The following CDH8 variants were observed in gnomAD, a reference collection of about 807,000 sequenced individuals.
CDH8 encodes cadherin-8.
CDH8 carries 17 observed loss-of-function variants against 68.1 expected under a neutral mutation model. The observed-to-expected ratio is 0.25, with a 90% CI of 0.17 to 0.37. The LOEUF is 0.37. Among genes scored for constraint, CDH8 ranks in the 10% least tolerant of loss-of-function variants. The probability of loss-of-function intolerance (pLI) is 1.00; values close to 1 mark genes in which losing one functional copy is unlikely to be tolerated. For missense variants in CDH8, 763 were observed against 999.3 expected (o/e 0.76, Z 3.19); for synonymous variants, 372 against 365.1 (o/e 1.02, Z -0.21).
chr16:61,883,267 T>A (rs1486322064), intron 3 of CDH8, among the ~76,000 whole-genome samples: 2 of 152,198 alleles, frequency 1.3e-5, no homozygotes, highest in Admixed American at 1.3e-4. Flanking sequence ...TCAATATTAA[T>A]CAGCTTTAAA....
intron 9 of CDH8, among the ~76,000 whole-genome samples, chr16:61,724,433 G>A (rs372542153): frequency 3.7e-4 from 56 of 150,640 alleles, no homozygotes; most frequent in African/African-American, 7.7e-4. Flanking sequence ...TTTGTGAGCC[G>A]TTTTGAAAAC....
intron 10 of CDH8, among the ~76,000 whole-genome samples, chr16:61,694,403 C>A (rs576265740): frequency 2.6e-5 from 4 of 152,286 alleles, no homozygotes; most frequent in Non-Finnish European, 4.4e-5. Flanking sequence ...CATTTTACAT[C>A]ATCAGTTTTC....
chr16:62,006,739 G>C (rs2150600831), intron 2 of CDH8, among the ~76,000 whole-genome samples: 1 of 152,276 alleles, frequency 6.6e-6, no homozygotes, highest in Middle Eastern at 3.4e-3. Flanking sequence ...AAATATATTT[G>C]TAAAGTAGCA....
intron 4 of CDH8, among the ~76,000 whole-genome samples, chr16:61,844,169 C>A (rs553715678): frequency 1.3e-5 from 2 of 151,002 alleles, no homozygotes; most frequent in African/African-American, 4.9e-5. Context: ...AGCAAACTAT[C>A]GCAAGGACAA....
At chr16:61,976,265 A>C (rs976689126) in intron 2 of CDH8, among the ~76,000 whole-genome samples, 1 of 152,204 alleles carries the variant, frequency 6.6e-6, no homozygotes, top group Non-Finnish European at 1.5e-5. Flanking sequence ...GAAATGAAAA[A>C]CATTCTGTAA....
chr16:61,989,341 C>T (rs1243911545), intron 2 of CDH8, among the ~76,000 whole-genome samples: 1 of 152,068 alleles, frequency 6.6e-6, no homozygotes, highest in Non-Finnish European at 1.5e-5. Context: ...ATGAGTTTTC[C>T]CACACATGGA....
Position 61,653,622 on chromosome 16 carries a change from C to A in CDH8, c.2386G>T (p.Asp796Tyr). Residue 796 changes from aspartate (D) to tyrosine (Y), a missense_variant, in exon 12 of 12, where the codon GAC (aspartate) becomes TAC (tyrosine). Around this residue, in one of 2 missense-constraint regions of CDH8, gnomAD observed 397 missense variants for 436.2 expected, o/e 0.91. Coordinates refer to ENST00000577390, the MANE Select transcript of CDH8 (RefSeq NM_001796.5). ...LGELYSVGESDKET is the reference protein window; with the variant it reads ...LGELYSVGESYKET Reference sequence around the variant, plus strand: ...ATAATCCACTGTCAAGTTTCTTTGTCACTTTCACCAACAGAGTAGAGTTCG... The same window carrying A: ...ATAATCCACTGTCAAGTTTCTTTGTAACTTTCACCAACAGAGTAGAGTTCG... 1.9e-6 allele frequency: 3 copies of A among 1,606,554 alleles called. No homozygotes were observed. The South Asian group carries it at 3.3e-5, about 18-fold the overall frequency.
intron 4 of CDH8, among the ~76,000 whole-genome samples, chr16:61,855,564 G>C (rs1479455259): frequency 6.6e-6 from 1 of 151,990 alleles, no homozygotes; most frequent in Non-Finnish European, 1.5e-5. Flanking sequence ...TATGTCAATA[G>C]GTATTTTCTG....
intron 10 of CDH8, among the ~76,000 whole-genome samples, chr16:61,687,368 T>A (rs182453250): frequency 6.6e-6 from 1 of 151,952 alleles, no homozygotes; most frequent in Non-Finnish European, 1.5e-5. Flanking sequence ...GAGGACATAA[T>A]AATCACATAC....
intron 2 of CDH8, among the ~76,000 whole-genome samples, chr16:61,954,110 TA>T (rs1352353211): frequency 6.6e-6 from 1 of 151,910 alleles, no homozygotes; most frequent in African/African-American, 2.4e-5. Context: ...TTGCCAGATT[TA>T]GAGGTTAACA....
At chr16:61,964,033 G>A (rs760468187) in intron 2 of CDH8, among the ~76,000 whole-genome samples, 15 of 151,962 alleles carry the variant, frequency 9.9e-5, no homozygotes, top group East Asian at 1.9e-4. Flanking sequence ...ATCCTCAAAC[G>A]GTTCTTGGAA....
chr16:61,783,538 C>A (rs1047855171), intron 8 of CDH8, among the ~76,000 whole-genome samples: 2 of 151,398 alleles, frequency 1.3e-5, no homozygotes, highest in Non-Finnish European at 2.9e-5. Flanking sequence ...GGAGAACTTC[C>A]GCAATCTAGC....
chr16:61,665,624 A>G (rs1338749958), intron 10 of CDH8, among the ~76,000 whole-genome samples: 1 of 151,966 alleles, frequency 6.6e-6, no homozygotes, highest in Non-Finnish European at 1.5e-5. Context: ...TATCTATGCA[A>G]CAAACCTGAA....
At chr16:61,746,745 T>C (rs1264832456) in intron 8 of CDH8, among the ~76,000 whole-genome samples, 2 of 152,056 alleles carry the variant, frequency 1.3e-5, no homozygotes, top group South Asian at 4.1e-4. Context: ...ACAGAGTTCA[T>C]GGATGGTGAT....
chr16:61,692,866 G>A (rs1456324308), intron 10 of CDH8: 2 of 152,174 alleles, frequency 1.3e-5, no homozygotes, highest in Non-Finnish European at 2.9e-5. Flanking sequence ...TAGCTTCTTA[G>A]TTAGTATAAT....
At chr16:61,776,698 G>C (rs1596957250) in intron 8 of CDH8, among the ~76,000 whole-genome samples, 1 of 152,126 alleles carries the variant, frequency 6.6e-6, no homozygotes, top group East Asian at 1.9e-4. Flanking sequence ...AATAATGATA[G>C]AATTGAGTTT....
At chr16:61,730,281 T>C (rs1959497763) in intron 8 of CDH8, among the ~76,000 whole-genome samples, 2 of 151,488 alleles carry the variant, frequency 1.3e-5, no homozygotes, top group South Asian at 2.1e-4. Flanking sequence ...TGGGACAAAG[T>C]GTTATTTATC....
intron 10 of CDH8, chr16:61,691,902 A>G (rs1242552187): frequency 3.3e-5 from 5 of 151,968 alleles, no homozygotes; most frequent in Admixed American, 1.3e-4. Context: ...ATTTTTTCCT[A>G]TTTAGACATT....
chr16:61,756,003 T>C (rs529812592), intron 8 of CDH8, among the ~76,000 whole-genome samples: 16 of 152,220 alleles, frequency 1.1e-4, no homozygotes, highest in African/African-American at 3.6e-4. Flanking sequence ...GTAATTTTAA[T>C]AGAGACAGGG....
Sources: allele counts gnomAD v4.1 joint callset (sites outside exome capture counted in the v4.1 genomes callset), GRCh38; gene constraint gnomAD v4.1.1; regional missense constraint gnomAD v4.1.1; transcripts MANE v1.5; gene names NCBI Gene and HGNC (gene_info 2026-07-23, HGNC 2026-07-21).